ANOS1: variants seen among roughly 807,000 people sequenced by gnomAD.
ANOS1 encodes the protein anosmin-1.
In ANOS1, 6 loss-of-function variants were observed where a neutral mutation model predicts 59.0. The observed-to-expected ratio is 0.10, with a 90% CI of 0.06 to 0.20. The LOEUF is 0.20. ANOS1 is among the 10% of genes least tolerant of loss of function. ANOS1 has a pLI of 1.00. For synonymous variants in ANOS1, 217 were observed against 223.4 expected (o/e 0.97, Z 0.25); for missense variants, 433 against 542.3 (o/e 0.80, Z 2.00).
At chrX:8,622,019 C>G (rs1246249715) in intron 3 of ANOS1, among the ~76,000 whole-genome samples, 2 of 111,864 alleles carry the variant, frequency 1.8e-5, no homozygotes, top group African/African-American at 6.5e-5. Context: ...TCTCCTTATC[C>G]TTGCAGCAAA....
rs1047696722 is a variant in ANOS1, at chrX:8,613,571, C to T, written c.318+10037G>A. 9.6e-4 allele frequency among the ~76,000 whole-genome samples: 106 copies of T among 110,896 alleles called. 1 individual carries two copies. Among genetic ancestry groups the T allele is most frequent in the African/African-American group, 3.3e-3 (100 of 30,466 alleles). ...ATTTTAAGCAATTGCACATTTTCTC[C>T]CCATAGACTATCACTGCACAAATCA... is the stretch of plus-strand genomic sequence containing the variant. On this transcript the variant is annotated intron_variant, in intron 3 of 13. Transcript: ENST00000262648.
chrX:8,710,770 C>T (rs1932808073), intron 1 of ANOS1, among the ~76,000 whole-genome samples: 1 of 112,242 alleles, frequency 8.9e-6, no homozygotes, highest in Admixed American at 9.5e-5. Context: ...GATCAACTTT[C>T]AGATTTTCTG....
intron 2 of ANOS1, among the ~76,000 whole-genome samples, chrX:8,635,818 A>G (rs181313778): frequency 1.4e-3 from 156 of 111,640 alleles, no homozygotes; most frequent in African/African-American, 4.9e-3. Flanking sequence ...GCTTTCTCCA[A>G]TACTGACCCC....
rs773898077 is a variant in ANOS1, at chrX:8,532,757, C to A, written c.*238G>T. ...AAAACAAAATTTAGCATTAAACAGG[C>A]CTATTCTTCATTTTCTCCATGCTTG... On this transcript the variant is annotated 3_prime_UTR_variant, in exon 14 of 14. Transcript: ENST00000262648. 5.7e-5 allele frequency: 20 copies of A among 350,805 alleles called. No homozygotes were observed. The East Asian group carries it at 8.8e-4, about 16-fold the overall frequency. 28.9% of individuals were successfully genotyped at this position (350,805 alleles called of 1,213,427 possible). A position where few individuals can be genotyped will look rare whatever the true frequency, so the allele number is the denominator to read the frequency against.
chrX:8,623,580 G>A, intron 3 of ANOS1, 28 bp downstream of exon 3: 1 of 1,141,022 alleles, frequency 8.8e-7, no homozygotes, highest in Non-Finnish European at 1.2e-6. Context: ...TGGGTCAAGT[G>A]TTTTAAGTAC....
At chrX:8,604,142 T>G (rs1930895578) in intron 3 of ANOS1, among the ~76,000 whole-genome samples, 1 of 111,942 alleles carries the variant, frequency 8.9e-6, no homozygotes, top group African/African-American at 3.2e-5. Context: ...CGTAAGAGTC[T>G]GGGCAACGAT....
At chrX:8,716,540 A>G (rs1602041715) in intron 1 of ANOS1, among the ~76,000 whole-genome samples, 1 of 111,896 alleles carries the variant, frequency 8.9e-6, no homozygotes, top group Non-Finnish European at 1.9e-5. Context: ...CAGAGATGTA[A>G]GCATAGGAAG....
At chrX:8,630,487 G>A (rs1931471393) in intron 2 of ANOS1, among the ~76,000 whole-genome samples, 1 of 111,751 alleles carries the variant, frequency 8.9e-6, no homozygotes, top group Non-Finnish European at 1.9e-5. Context: ...TGAAAAAAAG[G>A]ATATGTATTT....
chrX:8,659,538 T>TTTCCTTCC (rs200912660), intron 2 of ANOS1, among the ~76,000 whole-genome samples: 77 of 94,839 alleles, frequency 8.1e-4, no homozygotes, highest in African/African-American at 2.9e-3. Context: ...TTTCTTTCTC[T>TTTCCTTCC]TTCCTTCCTT....
intron 9 of ANOS1, among the ~76,000 whole-genome samples, chrX:8,549,502 T>C: frequency 8.9e-6 from 1 of 112,659 alleles, no homozygotes; most frequent in Middle Eastern, 4.6e-3. Flanking sequence ...AATCATGTCT[T>C]AAAGCACTGC....
chrX:8,553,727 G>A (rs190437462), intron 9 of ANOS1, among the ~76,000 whole-genome samples: 208 of 111,520 alleles, frequency 1.9e-3, no homozygotes, highest in Non-Finnish European at 3.1e-3. Flanking sequence ...CAGCCCTCTG[G>A]GAAAGAAATG....
Position 8,676,452 on chromosome X carries a change from C to T in ANOS1, c.255+23246G>A, listed in dbSNP as rs764147075. On this transcript the variant is annotated intron_variant, in intron 2 of 13. Transcript: ENST00000262648. Reference sequence around the variant, plus strand: ...ATATGAAAAATAAAATGACTTGATACATGTCAAAAAAGGGCACATCATCTG... The same window carrying T: ...ATATGAAAAATAAAATGACTTGATATATGTCAAAAAAGGGCACATCATCTG... Among the ~76,000 whole-genome samples the T allele has an allele frequency of 6.3e-5, 7 of 111,702 alleles. No individual in the cohort carries two copies. In the Admixed American group the frequency reaches 6.6e-4, roughly 11 times the overall value.
rs1331000722 is a variant in ANOS1 at position 8,529,366 on chromosome X, G to T, written c.*3629C>A. Reference sequence around the variant, plus strand: ...TTTTATAATAAACTTTAAAGTACATGCAACAGATATTTAGCCATTGTGTTC... The same window carrying T: ...TTTTATAATAAACTTTAAAGTACATTCAACAGATATTTAGCCATTGTGTTC... On this transcript the variant is annotated 3_prime_UTR_variant, in exon 14 of 14. Transcript: ENST00000262648. 2.7e-5 allele frequency: 3 copies of T among 111,793 alleles called. No individual in the cohort carries two copies. The highest frequency in any genetic ancestry group is 5.6e-5 in the Non-Finnish European group (3 of 53,207). 9.2% of individuals were successfully genotyped at this position (111,793 alleles called of 1,213,427 possible).
At chrX:8,667,716 G>C (rs1315164916) in intron 2 of ANOS1, among the ~76,000 whole-genome samples, 1 of 111,212 alleles carries the variant, frequency 9.0e-6, no homozygotes, top group Non-Finnish European at 1.9e-5. Context: ...CTTAGAAGGA[G>C]TAAGGTAAGG....
chrX:8,649,247 A>C (rs971682881), intron 2 of ANOS1, among the ~76,000 whole-genome samples: 3 of 112,180 alleles, frequency 2.7e-5, no homozygotes, highest in African/African-American at 9.7e-5. Context: ...TATGGATGGA[A>C]GCATTGAGGG....
chrX:8,535,722 A>T lies in ANOS1; in HGVS notation c.1711T>A (p.Trp571Arg), dbSNP rs1170543613. The change falls in exon 12 of 14, where the codon TGG becomes AGG. Residue 571 changes from tryptophan to arginine, a missense_variant. By Grantham distance (101) the Trp-to-Arg change is moderately radical (BLOSUM62 -3). Coordinates refer to ENST00000262648, the MANE Select transcript of ANOS1 (RefSeq NM_000216.4). ...TAGAGATTGGCCTTGGCCATCTTCC[A>T]AGAAAAGTGACCGGTGATGTTCACA... is the stretch of plus-strand genomic sequence containing the variant. ...QDVNITGHFS[W>R]KMAKANLYQP... 8.3e-7 allele frequency: 1 copy of T among 1,211,987 alleles called. No individual in the cohort carries two copies. Among genetic ancestry groups the T allele is most frequent in the African/African-American group, 1.7e-5 (1 of 57,951 alleles).
chrX:8,730,633 G>A (rs1362200200), intron 1 of ANOS1, among the ~76,000 whole-genome samples: 1 of 98,152 alleles, frequency 1.0e-5, no homozygotes, highest in Non-Finnish European at 2.0e-5. Context: ...CCCAGTTTAA[G>A]AGCCAAGGGT....
chrX:8,632,769 T>C (rs1394834021), intron 2 of ANOS1, among the ~76,000 whole-genome samples: 1 of 103,551 alleles, frequency 9.7e-6, no homozygotes, highest in Non-Finnish European at 1.9e-5. Flanking sequence ...AGCCTTGGGG[T>C]TCTTAAAAAA....
rs1019726760 is a variant in ANOS1, at chrX:8,582,494, G to A, written c.856+2773C>T. ...ATGAAGTCTAAGAGGAAGGAGAAAG[G>A]GGGGGTCAACTGGGTCTTAAAATCC... On this transcript the variant is annotated intron_variant, in intron 6 of 13. Coordinates refer to ENST00000262648, the MANE Select transcript of ANOS1 (RefSeq NM_000216.4). Among the ~76,000 whole-genome samples, 5 of 111,518 alleles carry A rather than the reference G, an allele frequency of 4.5e-5. No individual in the cohort carries two copies. In the East Asian group the frequency reaches 8.5e-4, roughly 19 times the overall value.
Sources: gnomAD v4.1 joint callset for allele counts (sites outside exome capture counted in the v4.1 genomes callset) on GRCh38, gnomAD v4.1.1 for gene constraint, MANE v1.5 for transcripts, NCBI Gene and HGNC (gene_info 2026-07-23, HGNC 2026-07-21) for gene names.